Variants in SYN3 observed in about 807,000 individuals in gnomAD.
SYN3 encodes the protein synapsin-3.
SYN3 carries 35 observed loss-of-function variants against 65.8 expected under a neutral mutation model. The observed-to-expected ratio is 0.53, with a 90% CI of 0.41 to 0.70. The LOEUF is 0.70. SYN3 is among the 30% of genes least tolerant of loss of function. The probability of loss-of-function intolerance (pLI) is 0.00; values close to 1 mark genes in which losing one functional copy is unlikely to be tolerated. For missense variants in SYN3, 680 were observed against 749.0 expected, an observed-to-expected ratio of 0.91 and a Z score of 1.08; for synonymous variants, 270 against 292.9, an observed-to-expected ratio of 0.92 and a Z score of 0.80.
intron 6 of SYN3, among the ~76,000 whole-genome samples, chr22:32,653,148 T>C (rs1218683768): frequency 6.6e-6 from 1 of 152,204 alleles, no homozygotes; most frequent in Non-Finnish European, 1.5e-5. Flanking sequence ...GTAACGAATA[T>C]GTTGCAGCTG....
chr22:32,789,126 T>C (rs911173585), intron 6 of SYN3, among the ~76,000 whole-genome samples: 1 of 152,208 alleles, frequency 6.6e-6, no homozygotes, highest in African/African-American at 2.4e-5. Flanking sequence ...GCCATTTTAA[T>C]TACTGGGCAT....
At chr22:32,590,559 G>A (rs867640988) in intron 7 of SYN3, among the ~76,000 whole-genome samples, 2 of 152,280 alleles carry the variant, frequency 1.3e-5, no homozygotes, top group East Asian at 1.9e-4. Flanking sequence ...ACTCCTGTGC[G>A]ATCAGCTTAG....
intron 7 of SYN3, among the ~76,000 whole-genome samples, chr22:32,552,245 CAAAAACAAAAAACA>C (rs899101150): frequency 6.6e-6 from 1 of 151,440 alleles, no homozygotes; most frequent in Non-Finnish European, 1.5e-5. Context: ...GACTCCATCT[CAAAAACAAAAAACA>C]AAAAACAAAA....
intron 2 of SYN3, among the ~76,000 whole-genome samples, chr22:32,985,528 AG>A (rs1363092890): frequency 4.6e-5 from 7 of 152,204 alleles, no homozygotes; most frequent in Non-Finnish European, 1.0e-4. Context: ...GTGGTAGGGC[AG>A]GGATTGCTCC....
At chr22:32,674,477 A>C (rs916203) in intron 6 of SYN3, among the ~76,000 whole-genome samples, 52,131 of 152,096 alleles carry the variant, frequency 0.34, 11,088 homozygotes, top group East Asian at 0.67. Context: ...CAGTGCTACC[A>C]GTTGCTAGAA....
At chr22:32,617,630 C>A (rs975060197) in intron 6 of SYN3, among the ~76,000 whole-genome samples, 1 of 152,010 alleles carries the variant, frequency 6.6e-6, no homozygotes, top group Non-Finnish European at 1.5e-5. Flanking sequence ...TAAAAAGCCT[C>A]GTAAACTATT....
intron 1 of SYN3, among the ~76,000 whole-genome samples, chr22:33,044,912 G>A (rs768776731): frequency 2.0e-5 from 3 of 149,454 alleles, no homozygotes; most frequent in African/African-American, 2.5e-5. Context: ...GCATGATCTC[G>A]GCTCACCACA....
At chr22:32,535,056 G>A (rs376675844) in intron 9 of SYN3, among the ~76,000 whole-genome samples, 8 of 152,244 alleles carry the variant, frequency 5.3e-5, no homozygotes, top group African/African-American at 1.9e-4. Flanking sequence ...TCATTCCCTC[G>A]AATCCCAGCA....
intron 6 of SYN3, among the ~76,000 whole-genome samples, chr22:32,762,998 T>C (rs2045526743): frequency 6.6e-6 from 1 of 152,236 alleles, no homozygotes; most frequent in Admixed American, 6.5e-5. Context: ...TAACAATAGC[T>C]ACAATAACAA....
intron 2 of SYN3, among the ~76,000 whole-genome samples, chr22:32,995,425 T>C (rs1006675708): frequency 1.3e-5 from 2 of 152,234 alleles, no homozygotes; most frequent in African/African-American, 4.8e-5. Flanking sequence ...GACTCATTCA[T>C]TGTCTATCTA....
At chr22:33,049,742 C>T (rs935089648) in intron 1 of SYN3, among the ~76,000 whole-genome samples, 8 of 152,128 alleles carry the variant, frequency 5.3e-5, no homozygotes, top group East Asian at 1.9e-4. Context: ...CGGTGCCAGC[C>T]GCACGCAGGA....
At position 32,709,176 on chromosome 22, in the gene SYN3, C is replaced by T. The variant is rs543854634; in HGVS notation, c.712-112440G>A. Among the ~76,000 whole-genome samples the T allele has an allele frequency of 3.3e-5, 5 of 152,324 alleles. No homozygotes were observed. In the South Asian group the frequency reaches 8.3e-4, roughly 25 times the overall value. On this transcript the variant is annotated intron_variant, in intron 6 of 13. Transcript: ENST00000358763. Reference sequence around the variant, plus strand: ...GGGGGAAAATGACCTCTTGCAGGCCCTTCCAGGATGAGACAGACAACAATT... The same window carrying T: ...GGGGGAAAATGACCTCTTGCAGGCCTTTCCAGGATGAGACAGACAACAATT...
At chr22:32,719,606 G>A (rs1259453480) in intron 6 of SYN3, among the ~76,000 whole-genome samples, 1 of 152,170 alleles carries the variant, frequency 6.6e-6, no homozygotes, top group Non-Finnish European at 1.5e-5. Context: ...ACTTTGGGAG[G>A]CCAAGGTGGA....
At chr22:32,590,003 T>G (rs1259167189) in intron 7 of SYN3, among the ~76,000 whole-genome samples, 1 of 152,158 alleles carries the variant, frequency 6.6e-6, no homozygotes, top group Non-Finnish European at 1.5e-5. Flanking sequence ...AAAATCTTAT[T>G]TTGAAATATA....
intron 3 of SYN3, among the ~76,000 whole-genome samples, chr22:32,973,831 C>A (rs540677641): frequency 6.6e-6 from 1 of 152,302 alleles, no homozygotes; most frequent in African/African-American, 2.4e-5. Flanking sequence ...GAGTTTTGCT[C>A]TTGTCGCACC....
At position 32,641,607 on chromosome 22, in the gene SYN3, C is replaced by CAAAAAA. The variant is rs34461957; in HGVS notation, c.712-44877_712-44872dup. On this transcript the variant is annotated intron_variant, in intron 6 of 13. Coordinates refer to ENST00000358763, the MANE Select transcript of SYN3 (RefSeq NM_003490.4). ...TGGGCGACAGAGCAAGACTCCATCT[C>CAAAAAA]AAAAAAAAAAAAAAAAAAAAAAATT... is the stretch of plus-strand genomic sequence containing the variant. 2.8e-3 allele frequency among the ~76,000 whole-genome samples: 188 copies of CAAAAAA among 67,910 alleles called. 5 individuals are homozygous for CAAAAAA. Among genetic ancestry groups the CAAAAAA allele is most frequent in the African/African-American group, 7.1e-3 (119 of 16,712 alleles). 44.6% of individuals were successfully genotyped at this position (67,910 alleles called of 152,430 possible).
At chr22:32,918,956 T>C (rs1437249593) in intron 4 of SYN3, among the ~76,000 whole-genome samples, 2 of 152,164 alleles carry the variant, frequency 1.3e-5, no homozygotes, top group Admixed American at 1.3e-4. Flanking sequence ...CTCTGTGCCA[T>C]GAAGCCAGGC....
At chr22:32,550,208 T>C (rs2058392006) in intron 7 of SYN3, among the ~76,000 whole-genome samples, 1 of 152,190 alleles carries the variant, frequency 6.6e-6, no homozygotes, top group Admixed American at 6.5e-5. Flanking sequence ...ATCTCTGTGA[T>C]ATTCCATTTC....
chr22:32,787,599 G>C (rs988592142), intron 6 of SYN3, among the ~76,000 whole-genome samples: 16 of 152,178 alleles, frequency 1.1e-4, no homozygotes, highest in African/African-American at 3.9e-4. Flanking sequence ...TGGGATACCG[G>C]GGACAGAGCA....
Sources: allele counts gnomAD v4.1 joint callset (sites outside exome capture counted in the v4.1 genomes callset), GRCh38; gene constraint gnomAD v4.1.1; transcripts MANE v1.5; gene names NCBI Gene and HGNC (gene_info 2026-07-23, HGNC 2026-07-21).